Variants in PDLIM5 observed in about 807,000 individuals in gnomAD.
The protein encoded by PDLIM5 is PDZ and LIM domain protein 5.
PDLIM5 carries 34 observed loss-of-function variants against 64.2 expected under a neutral mutation model. That is an observed-to-expected ratio of 0.53 (90% confidence interval 0.40 to 0.71). PDLIM5 has a LOEUF of 0.71. Among genes scored for constraint, PDLIM5 ranks in the 30% least tolerant of loss-of-function variants. The pLI is 0.00. For missense variants in PDLIM5, 683 were observed against 733.6 expected (o/e 0.93, Z 0.80); for synonymous variants, 253 against 269.1 (o/e 0.94, Z 0.59).
intron 2 of PDLIM5, among the ~76,000 whole-genome samples, chr4:94,470,483 G>GA (rs1216740167): frequency 6.6e-6 from 1 of 152,142 alleles, no homozygotes; most frequent in East Asian, 1.9e-4. Context: ...CTGTTGAGCT[G>GA]AAAAAATTTT....
At chr4:94,470,212 G>C (rs547994265) in intron 2 of PDLIM5, among the ~76,000 whole-genome samples, 1,801 of 151,966 alleles carry the variant, frequency 0.012, 41 homozygotes, top group African/African-American at 0.041. Flanking sequence ...GATCCGCCTA[G>C]CTCGGCCTCC....
chr4:94,480,881 A>C lies in PDLIM5; in HGVS notation c.96+25497A>C, dbSNP rs193230328. Among the ~76,000 whole-genome samples, 13 of 152,326 alleles carry C rather than the reference A, an allele frequency of 8.5e-5. No homozygotes were observed. The East Asian group carries it at 2.1e-3, about 25-fold the overall frequency. On this transcript the variant is annotated intron_variant, in intron 2 of 12. Transcript: ENST00000317968. ...CCCCAGCCCCAAAACTGATCGTATT[A>C]GTCCTTTTATATTTTAAACACTCCT... is the stretch of plus-strand genomic sequence containing the variant.
At chr4:94,657,873 A>G (rs1742335181) in intron 11 of PDLIM5, among the ~76,000 whole-genome samples, 1 of 151,808 alleles carries the variant, frequency 6.6e-6, no homozygotes, top group South Asian at 2.1e-4. Flanking sequence ...TGCTCGGCTC[A>G]TTTTGTATTT....
intron 2 of PDLIM5, among the ~76,000 whole-genome samples, chr4:94,523,265 G>A (rs1015098477): frequency 6.6e-6 from 1 of 152,202 alleles, no homozygotes; most frequent in African/African-American, 2.4e-5. Context: ...GGATTGTTTA[G>A]CAGATCTTCC....
At chr4:94,527,090 A>G (rs1161268109) in intron 3 of PDLIM5, among the ~76,000 whole-genome samples, 1 of 99,016 alleles carries the variant, frequency 1.0e-5, no homozygotes, top group Non-Finnish European at 1.9e-5. Context: ...AGAGTCTCAC[A>G]CTGTCACCCG....
At chr4:94,478,276 A>G (rs1725512413) in intron 2 of PDLIM5, among the ~76,000 whole-genome samples, 1 of 151,112 alleles carries the variant, frequency 6.6e-6, no homozygotes, top group Non-Finnish European at 1.5e-5. Flanking sequence ...AAAAAAAAGA[A>G]TATAGTATTA....
chr4:94,640,258 T>A lies in PDLIM5; in HGVS notation c.1109-18T>A. On this transcript the variant is annotated intron_variant, in intron 8 of 12. Coordinates refer to ENST00000317968, the MANE Select transcript of PDLIM5 (RefSeq NM_006457.5). Reference sequence around the variant, plus strand: ...ATGTGGCTTATTCTCATTCTGATTCTTCTGTTTTAACTCCTAGTACCTTCC... The same window carrying A: ...ATGTGGCTTATTCTCATTCTGATTCATCTGTTTTAACTCCTAGTACCTTCC... 2.0e-6 allele frequency: 3 copies of A among 1,471,344 alleles called. No individual in the cohort carries two copies. The highest frequency in any genetic ancestry group is 2.8e-6 in the Non-Finnish European group (3 of 1,067,628). The allele number at this position is 1,471,344 out of a possible 1,614,324, so 91.1% of individuals were successfully genotyped here. A position where few individuals can be genotyped will look rare whatever the true frequency, so the allele number is the denominator to read the frequency against.
intron 3 of PDLIM5, among the ~76,000 whole-genome samples, chr4:94,565,601 G>T (rs1324983462): frequency 6.6e-6 from 1 of 152,150 alleles, no homozygotes; most frequent in Non-Finnish European, 1.5e-5. Flanking sequence ...TCAGAAGCTG[G>T]TTACTATTTT....
chr4:94,573,252 A>AT, intron 3 of PDLIM5, 99 bp from the exon 4 acceptor site: 1 of 835,938 alleles, frequency 1.2e-6, no homozygotes, highest in Non-Finnish European at 1.9e-6. Flanking sequence ...GATTCAGTAT[A>AT]TTAAGGCTAT....
chr4:94,552,475 A>G (rs540399952), intron 3 of PDLIM5, among the ~76,000 whole-genome samples: 1 of 152,138 alleles, frequency 6.6e-6, no homozygotes, highest in African/African-American at 2.4e-5. Flanking sequence ...TTTAAAATAA[A>G]AAAGAAATAG....
At chr4:94,486,367 A>G (rs1651510100) in intron 2 of PDLIM5, among the ~76,000 whole-genome samples, 2 of 152,344 alleles carry the variant, frequency 1.3e-5, no homozygotes, top group South Asian at 2.1e-4. Flanking sequence ...TGAGTAGGAT[A>G]CATTGAAATA....
In PDLIM5 at chr4:94,576,032, T is replaced by C. The variant is rs1231309536; in HGVS notation, c.708T>C (p.Asn236=). ...CCCAGGGTGACAGTAAACAGCAAAA[T>C]GGGTAGGTGGCTAAGGTGCTTTCTG... The part of the protein sequence containing the change: ...RGSQGDSKQQ[N]GPPRKHIVER... Residue 236 remains asparagine (N), a splice_region_variant and synonymous_variant, in exon 5 of 13, where the codon AAT becomes AAC. Transcript: ENST00000317968. The C allele has an allele frequency of 6.2e-7, 1 of 1,611,158 alleles. No homozygotes were observed. Among genetic ancestry groups the C allele is most frequent in the Non-Finnish European group, 8.5e-7 (1 of 1,178,010 alleles).
chr4:94,613,798 G>GAAA (rs10627637), intron 7 of PDLIM5, among the ~76,000 whole-genome samples: 151,277 of 152,080 alleles, frequency 0.99, 75,238 homozygotes, highest in East Asian at 1. Flanking sequence ...TTTAAATTTA[G>GAAA]AAAATATATT....
At chr4:94,546,026 A>G (rs1261436085) in intron 3 of PDLIM5, among the ~76,000 whole-genome samples, 2 of 152,210 alleles carry the variant, frequency 1.3e-5, no homozygotes, top group African/African-American at 4.8e-5. Flanking sequence ...TGATTATATA[A>G]TGCAAAAAGC....
intron 2 of PDLIM5, among the ~76,000 whole-genome samples, chr4:94,459,243 G>A (rs2126076906): frequency 6.6e-6 from 1 of 152,270 alleles, no homozygotes; most frequent in South Asian, 2.1e-4. Flanking sequence ...TTCTCATTAT[G>A]TTTGGGCTCT....
chr4:94,654,298 C>T (rs1355422954), intron 9 of PDLIM5, among the ~76,000 whole-genome samples, 162 bp from the exon 10 acceptor site: 1 of 152,056 alleles, frequency 6.6e-6, no homozygotes, highest in East Asian at 1.9e-4. Context: ...ATGCAGAGTC[C>T]CTCTGTGAAT....
intron 3 of PDLIM5, among the ~76,000 whole-genome samples, chr4:94,529,372 CCA>C (rs1219819252): frequency 6.6e-6 from 1 of 151,950 alleles, no homozygotes; most frequent in Non-Finnish European, 1.5e-5. Flanking sequence ...AGAACGAAAC[CCA>C]GTTTTTGTTT....
intron 2 of PDLIM5, among the ~76,000 whole-genome samples, chr4:94,511,564 T>C (rs1331227259): frequency 6.7e-6 from 1 of 149,924 alleles, no homozygotes; most frequent in East Asian, 2.0e-4. Context: ...ATACATTCCT[T>C]TTAAATATTT....
intron 3 of PDLIM5, among the ~76,000 whole-genome samples, chr4:94,546,418 T>C (rs1732322294): frequency 6.6e-6 from 1 of 152,214 alleles, no homozygotes. Flanking sequence ...GGTAAACTTA[T>C]CTAGAGAAGC....
Sources: allele counts gnomAD v4.1 joint callset (sites outside exome capture counted in the v4.1 genomes callset), GRCh38; gene constraint gnomAD v4.1.1; transcripts MANE v1.5; gene names NCBI Gene and HGNC (gene_info 2026-07-23, HGNC 2026-07-21).